KCNQ3: variants seen among roughly 807,000 people sequenced by gnomAD.
The protein encoded by KCNQ3 is potassium voltage-gated channel subfamily KQT member 3.
A neutral mutation model predicts 92.5 loss-of-function variants in KCNQ3; 30 were observed. The observed-to-expected ratio is 0.32, with a 90% confidence interval of 0.24 to 0.44. KCNQ3 has a LOEUF of 0.44. Ranked by LOEUF, KCNQ3 falls within the 20% of genes least tolerant of loss-of-function variation. KCNQ3 has a pLI of 1.00. For synonymous variants in KCNQ3, 450 were observed against 468.8 expected (o/e 0.96, Z 0.52); for missense variants, 913 against 1,140.3 (o/e 0.80, Z 2.87).
intron 1 of KCNQ3, among the ~76,000 whole-genome samples, chr8:132,286,801 G>T (rs1816690963): frequency 6.6e-6 from 1 of 152,212 alleles, no homozygotes; most frequent in Non-Finnish European, 1.5e-5. Context: ...TCATTAAGAT[G>T]AATTAATGGC....
intron 1 of KCNQ3, among the ~76,000 whole-genome samples, chr8:132,364,251 T>C (rs1415886425): frequency 6.6e-6 from 1 of 152,218 alleles, no homozygotes; most frequent in East Asian, 1.9e-4. Flanking sequence ...CTGGAGAAGA[T>C]ATAATTTGAA....
At chr8:132,219,640 T>C (rs550346259) in intron 1 of KCNQ3, among the ~76,000 whole-genome samples, 1 of 152,298 alleles carries the variant, frequency 6.6e-6, no homozygotes, top group African/African-American at 2.4e-5. Flanking sequence ...CTTTTTTTTT[T>C]TCACAAAACA....
At chr8:132,364,902 G>T (rs886282629) in intron 1 of KCNQ3, among the ~76,000 whole-genome samples, 3 of 152,062 alleles carry the variant, frequency 2.0e-5, no homozygotes, top group Non-Finnish European at 4.4e-5. Context: ...TGTGAAGTAG[G>T]TACTATTATT....
chr8:132,207,921 TAAAAAAAAA>T (rs762571946), intron 1 of KCNQ3, among the ~76,000 whole-genome samples: 1 of 103,912 alleles, frequency 9.6e-6, no homozygotes, highest in Admixed American at 1.0e-4. Flanking sequence ...TGAGAGAGAT[TAAAAAAAAA>T]AAAAAAAAAA....
At chr8:132,436,000 T>C (rs1821385116) in intron 1 of KCNQ3, among the ~76,000 whole-genome samples, 2 of 152,260 alleles carry the variant, frequency 1.3e-5, no homozygotes, top group African/African-American at 2.4e-5. Flanking sequence ...ATTTATTAAA[T>C]GGCTTTTTTA....
intron 1 of KCNQ3, among the ~76,000 whole-genome samples, chr8:132,393,788 TGA>T (rs1820112585): frequency 6.6e-6 from 1 of 152,164 alleles, no homozygotes; most frequent in Non-Finnish European, 1.5e-5. Context: ...GCTATCACCA[TGA>T]GAGAGGATTA....
At chr8:132,132,290 A>T in intron 13 of KCNQ3, 26 bp from the exon 14 acceptor site, 3 of 1,556,650 alleles carry the variant, frequency 1.9e-6, no homozygotes, top group Non-Finnish European at 2.7e-6. Context: ...CACTTCTATA[A>T]GATCATTATA....
intron 1 of KCNQ3, among the ~76,000 whole-genome samples, chr8:132,385,482 A>G (rs1819866121): frequency 6.6e-6 from 1 of 152,218 alleles, no homozygotes; most frequent in African/African-American, 2.4e-5. Flanking sequence ...ATCCAAGGCC[A>G]TTAGGTCAGG....
chr8:132,134,183 A>G, intron 13 of KCNQ3, 107 bp downstream of exon 13: 1 of 823,160 alleles, frequency 1.2e-6, no homozygotes, highest in South Asian at 1.4e-5. Flanking sequence ...TTTACTTAGG[A>G]GAGTGACAAC....
rs545003722 is a variant in KCNQ3 at position 132,231,191 on chromosome 8, T to C, written c.387-45010A>G. On this transcript the variant is annotated intron_variant, in intron 1 of 14. Transcript: ENST00000388996. ...TCTCCTAGCACAGTCAGAGAAAGCATGACCCTGTCAATACCTTGATTTCAG... is the reference window on the plus strand; with the variant it reads ...TCTCCTAGCACAGTCAGAGAAAGCACGACCCTGTCAATACCTTGATTTCAG... 2.0e-5 allele frequency among the ~76,000 whole-genome samples: 3 copies of C among 152,354 alleles called. No homozygotes were observed. The South Asian group carries it at 6.2e-4, about 32-fold the overall frequency.
intron 1 of KCNQ3, among the ~76,000 whole-genome samples, chr8:132,360,181 G>T (rs1423500018): frequency 6.6e-6 from 1 of 152,174 alleles, no homozygotes; most frequent in Non-Finnish European, 1.5e-5. Context: ...TAGCAGTCCA[G>T]CCCCTCAGAG....
intron 1 of KCNQ3, among the ~76,000 whole-genome samples, chr8:132,274,865 G>C (rs1816274710): frequency 1.3e-5 from 2 of 152,138 alleles, no homozygotes; most frequent in South Asian, 4.1e-4. Flanking sequence ...TGGGGAGGCT[G>C]AGGAGTTTCC....
At chr8:132,444,889 C>T (rs980455579) in intron 1 of KCNQ3, among the ~76,000 whole-genome samples, 8 of 152,070 alleles carry the variant, frequency 5.3e-5, no homozygotes, top group South Asian at 2.1e-4. Flanking sequence ...TATGAGGATT[C>T]GACAAAGCAG....
intron 1 of KCNQ3, among the ~76,000 whole-genome samples, chr8:132,227,689 C>T (rs556029197): frequency 3.3e-5 from 5 of 152,312 alleles, no homozygotes; most frequent in East Asian, 1.9e-4. Flanking sequence ...GCAAATGACA[C>T]TCTCCCGGGG....
chr8:132,370,010 C>T (rs1819429315), intron 1 of KCNQ3, among the ~76,000 whole-genome samples: 2 of 152,130 alleles, frequency 1.3e-5, no homozygotes, highest in African/African-American at 4.8e-5. Context: ...GCTGGAATTC[C>T]ACTCATCTTT....
rs879019805 is a variant in KCNQ3 at position 132,480,670 on chromosome 8, A to ACCCCC, written c.-143_-139dup. ...TGCCATGATCCGCGCGCCCCTCCCCACCCCCCCCCAAAAGCAGGCAAAGGC... is the reference window on the plus strand; with the variant it reads ...TGCCATGATCCGCGCGCCCCTCCCCACCCCCCCCCCCCCCAAAAGCAGGCAAAGGC... On this transcript the variant is annotated 5_prime_UTR_variant, in exon 1 of 15. Transcript: ENST00000388996. The ACCCCC allele has an allele frequency of 1.4e-6, 1 of 711,840 alleles. No individual in the cohort carries two copies. Among genetic ancestry groups the ACCCCC allele is most frequent in the Admixed American group, 6.5e-5 (1 of 15,448 alleles). 44.1% of individuals were successfully genotyped at this position (711,840 alleles called of 1,614,324 possible). A position where few individuals can be genotyped will look rare whatever the true frequency, so the allele number is the denominator to read the frequency against.
At chr8:132,402,168 G>T (rs1820354650) in intron 1 of KCNQ3, among the ~76,000 whole-genome samples, 1 of 152,088 alleles carries the variant, frequency 6.6e-6, no homozygotes, top group South Asian at 2.1e-4. Flanking sequence ...CCGTGTGTGG[G>T]CACTGTGAGG....
intron 1 of KCNQ3, among the ~76,000 whole-genome samples, chr8:132,197,489 G>C (rs954657987): frequency 6.6e-6 from 1 of 152,218 alleles, no homozygotes; most frequent in African/African-American, 2.4e-5. Flanking sequence ...CTGCAGGCTA[G>C]AGACAAGCCA....
In KCNQ3 at chr8:132,255,505, T is replaced by C. The variant is rs564759180; in HGVS notation, c.387-69324A>G. On this transcript the variant is annotated intron_variant, in intron 1 of 14. Transcript: ENST00000388996. ...ATTCCTGGGAACCTAGAAAACCAAG[T>C]GCATATCTTGTCTAGGGCTGGGCAC... Among the ~76,000 whole-genome samples the C allele has an allele frequency of 5.9e-4, 90 of 152,304 alleles. 1 individual carries two copies. Among genetic ancestry groups the C allele is most frequent in the Middle Eastern group, 3.4e-3 (1 of 294 alleles).
Sources: allele counts gnomAD v4.1 joint callset (sites outside exome capture counted in the v4.1 genomes callset), GRCh38; gene constraint gnomAD v4.1.1; transcripts MANE v1.5; gene names NCBI Gene and HGNC (gene_info 2026-07-23, HGNC 2026-07-21).